QSOX1: variants seen among roughly 807,000 people sequenced by gnomAD.
QSOX1 encodes the protein quiescin sulfhydryl oxidase 1, also known as sulfhydryl oxidase 1.
Under a neutral mutation model 76.1 loss-of-function variants are expected in QSOX1, and 40 were observed. The observed-to-expected ratio is 0.53, with a 90% CI of 0.41 to 0.68. QSOX1 has a LOEUF of 0.68. QSOX1 is among the 30% of genes least tolerant of loss of function. The probability of loss-of-function intolerance (pLI) is 0.00; values close to 1 mark genes in which losing one functional copy is unlikely to be tolerated. For missense variants in QSOX1, 931 were observed against 974.3 expected (o/e 0.96, Z 0.59); for synonymous variants, 392 against 413.1 (o/e 0.95, Z 0.62).
At chr1:180,171,731 G>A (rs1662764528) in intron 2 of QSOX1, among the ~76,000 whole-genome samples, 1 of 152,180 alleles carries the variant, frequency 6.6e-6, no homozygotes, top group South Asian at 2.1e-4. Context: ...GTAGGAGATG[G>A]GGGTGGACAG....
chr1:180,163,233 C>T (rs1662535232), intron 1 of QSOX1, among the ~76,000 whole-genome samples: 2 of 152,054 alleles, frequency 1.3e-5, no homozygotes, highest in Non-Finnish European at 2.9e-5. Flanking sequence ...TTGTCCTGTA[C>T]TGTTCCTCTT....
In QSOX1 at chr1:180,197,949, C is replaced by G. The variant is rs555134598; in HGVS notation, c.*912C>G. ...GTGTGCAGAAGTTAGAAGGGTCTGGCGGGGGCAGTGCCTTACACATGCTTG... is the reference window on the plus strand; with the variant it reads ...GTGTGCAGAAGTTAGAAGGGTCTGGGGGGGGCAGTGCCTTACACATGCTTG... On this transcript the variant is annotated 3_prime_UTR_variant, in exon 12 of 12. Transcript: ENST00000367602. 37 of 349,284 alleles carry G rather than the reference C, an allele frequency of 1.1e-4. No individual in the cohort carries two copies. Among genetic ancestry groups the G allele is most frequent in the African/African-American group, 7.9e-4 (37 of 46,688 alleles). 21.6% of individuals were successfully genotyped at this position (349,284 alleles called of 1,614,324 possible).
chr1:180,164,397 C>T (rs1414989056), intron 1 of QSOX1, among the ~76,000 whole-genome samples: 1 of 152,178 alleles, frequency 6.6e-6, no homozygotes, highest in African/African-American at 2.4e-5. Flanking sequence ...TAAATACCTC[C>T]ATCTACTTCC....
At chr1:180,190,272 G>C (rs1305026497) in intron 9 of QSOX1, among the ~76,000 whole-genome samples, 161 bp from the exon 10 acceptor site, 1 of 152,224 alleles carries the variant, frequency 6.6e-6, no homozygotes, top group Admixed American at 6.5e-5. Flanking sequence ...TAGGTCTGCT[G>C]CTGCTTCAGT....
chr1:180,188,277 G>A (rs988060219), intron 8 of QSOX1, among the ~76,000 whole-genome samples: 1 of 151,976 alleles, frequency 6.6e-6, no homozygotes, highest in African/African-American at 2.4e-5. Context: ...GGTCAGTCAG[G>A]AGGCCCTCTG....
chr1:180,163,330 A>G (rs1662538274), intron 1 of QSOX1, among the ~76,000 whole-genome samples: 1 of 152,202 alleles, frequency 6.6e-6, no homozygotes, highest in African/African-American at 2.4e-5. Flanking sequence ...ACATTTTATG[A>G]CTTCCTTTAT....
At chr1:180,172,810 C>G (rs1050643217) in intron 2 of QSOX1, among the ~76,000 whole-genome samples, 1 of 152,220 alleles carries the variant, frequency 6.6e-6, no homozygotes, top group African/African-American at 2.4e-5. Flanking sequence ...TGAGCCACTG[C>G]ACCCGTCCTG....
chr1:180,192,192 T>C (rs1432941919), intron 10 of QSOX1, among the ~76,000 whole-genome samples: 1 of 151,918 alleles, frequency 6.6e-6, no homozygotes, highest in African/African-American at 2.4e-5. Flanking sequence ...GACCAGCAGG[T>C]GCAAAGGACA....
In QSOX1 at chr1:180,186,105, A is replaced by T; in HGVS notation, c.940A>T (p.Ile314Leu). Residue 314 changes from isoleucine to leucine, a missense_variant, in exon 8 of 12, where the codon ATA (isoleucine) becomes TTA (leucine). Coordinates refer to ENST00000367602, the MANE Select transcript of QSOX1 (RefSeq NM_002826.5). ...LESALHYILR[I>L]EVGRFPVLEG... The stretch of plus-strand genomic sequence containing the variant: ...ATCTGCACTGCACTACATCCTGCGG[A>T]TAGAAGTGGGCAGGTTCCCGGTCCT... 1 of 1,614,178 alleles carries T rather than the reference A, an allele frequency of 6.2e-7. No homozygotes were observed. Among genetic ancestry groups the T allele is most frequent in the Non-Finnish European group, 8.5e-7 (1 of 1,179,998 alleles).
chr1:180,184,137 T>C (rs926194761), intron 7 of QSOX1, 87 bp downstream of exon 7: 1 of 1,483,802 alleles, frequency 6.7e-7, no homozygotes, highest in African/African-American at 1.4e-5. Context: ...TCTTGCTCAT[T>C]CTTCTTCCTT....
intron 2 of QSOX1, among the ~76,000 whole-genome samples, chr1:180,170,285 T>A (rs547943248): frequency 3.3e-5 from 5 of 152,326 alleles, no homozygotes; most frequent in African/African-American, 1.2e-4. Context: ...GGTGGGCCCC[T>A]TTCTCAGCAG....
intron 1 of QSOX1, among the ~76,000 whole-genome samples, chr1:180,157,247 G>A (rs1558182029): frequency 6.6e-6 from 1 of 152,246 alleles, no homozygotes; most frequent in Non-Finnish European, 1.5e-5. Flanking sequence ...AGCCATTGGT[G>A]TGAGTCAGTC....
intron 10 of QSOX1, among the ~76,000 whole-genome samples, chr1:180,191,328 G>C (rs890964663): frequency 6.6e-6 from 1 of 152,216 alleles, no homozygotes; most frequent in Non-Finnish European, 1.5e-5. Context: ...AGAAAGATGT[G>C]GGGTGAAGAG....
chr1:180,186,237 C>A, intron 8 of QSOX1, 55 bp downstream of exon 8: 2 of 1,445,526 alleles, frequency 1.4e-6, no homozygotes, highest in South Asian at 1.3e-5. Flanking sequence ...GGTCAGTGTG[C>A]GTTCCTGTAA....
At position 180,178,793 on chromosome 1, in the gene QSOX1, G is replaced by A. The variant is rs112173977; in HGVS notation, c.516-1G>A. On this transcript the variant is annotated splice_acceptor_variant, in intron 4 of 11. Transcript: ENST00000367602. LOFTEE classifies it high-confidence loss of function. ...GTGACTGCCAGAATTGTCTCTTGCA[G>A]GCTGGAGGAGATTGATGGATTCTTT... The A allele has an allele frequency of 1.2e-6, 2 of 1,613,336 alleles. No individual in the cohort carries two copies. The highest frequency in any genetic ancestry group is 4.5e-5 in the East Asian group (2 of 44,870).
At chr1:180,162,763 A>G (rs1662523198) in intron 1 of QSOX1, among the ~76,000 whole-genome samples, 1 of 152,162 alleles carries the variant, frequency 6.6e-6, no homozygotes, top group African/African-American at 2.4e-5. Flanking sequence ...AAGCAAAACA[A>G]AAAAAATCAC....
chr1:180,172,666 A>G (rs1662789784), intron 2 of QSOX1, among the ~76,000 whole-genome samples: 1 of 152,120 alleles, frequency 6.6e-6, no homozygotes, highest in African/African-American at 2.4e-5. Context: ...ATACAGGTGC[A>G]TGTCACCAAA....
rs1663620965 is a variant in QSOX1, at chr1:180,200,800, T to TA, written c.*3765dup. 1 of 152,260 alleles carries TA rather than the reference T, an allele frequency of 6.6e-6. No individual in the cohort carries two copies. The highest frequency in any genetic ancestry group is 6.5e-5 in the Admixed American group (1 of 15,290). The allele number at this position is 152,260 out of a possible 1,614,324, so 9.4% of individuals were successfully genotyped here. A position where few individuals can be genotyped will look rare whatever the true frequency, so the allele number is the denominator to read the frequency against. On this transcript the variant is annotated 3_prime_UTR_variant, in exon 12 of 12. Coordinates refer to ENST00000367602, the MANE Select transcript of QSOX1 (RefSeq NM_002826.5). ...CTGGAGCTGCAGTCTCTACCCCTTC[T>TA]AACACATGTGATTCTGTTTCATGTC...
At chr1:180,189,730 A>G (rs1663262184) in intron 9 of QSOX1, 56 bp downstream of exon 9, 1 of 1,579,858 alleles carries the variant, frequency 6.3e-7, no homozygotes, top group African/African-American at 1.3e-5. Context: ...TGAGAGTGCA[A>G]GGGGTTAACC....
Sources: gnomAD v4.1 joint callset for allele counts (sites outside exome capture counted in the v4.1 genomes callset) on GRCh38, gnomAD v4.1.1 for gene constraint, MANE v1.5 for transcripts, NCBI Gene and HGNC (gene_info 2026-07-23, HGNC 2026-07-21) for gene names.